FNBP4: variants seen among roughly 807,000 people sequenced by gnomAD.
The protein encoded by FNBP4 is formin binding protein 4.
A neutral mutation model predicts 119.3 loss-of-function variants in FNBP4; 34 were observed. The ratio of observed to expected loss-of-function variants is 0.28; its 90% CI spans 0.22 to 0.38. The LOEUF (loss-of-function observed/expected upper bound fraction) is 0.38. Ranked by LOEUF, FNBP4 falls within the 10% of genes least tolerant of loss-of-function variation. The pLI is 1.00. For synonymous variants in FNBP4, 462 were observed against 430.6 expected (o/e 1.07, Z -0.90); for missense variants, 1,112 against 1,228.9 (o/e 0.90, Z 1.42).
chr11:47,751,996 T>C (rs558908206), intron 4 of FNBP4, among the ~76,000 whole-genome samples: 3 of 152,154 alleles, frequency 2.0e-5, no homozygotes, highest in South Asian at 4.1e-4. Context: ...AAAATGTACC[T>C]AAAATACTTT....
At chr11:47,737,647 C>T (rs1271386774) in intron 8 of FNBP4, among the ~76,000 whole-genome samples, 2 of 149,380 alleles carry the variant, frequency 1.3e-5, no homozygotes, top group Admixed American at 1.3e-4. Flanking sequence ...ACCATGTTGC[C>T]CAGGCTGGTC....
chr11:47,764,704 C>T (rs1327571268), intron 2 of FNBP4, among the ~76,000 whole-genome samples: 1 of 152,034 alleles, frequency 6.6e-6, no homozygotes, highest in East Asian at 1.9e-4. Context: ...AATTAACATT[C>T]CTGGCACTTA....
intron 2 of FNBP4, among the ~76,000 whole-genome samples, chr11:47,762,874 C>A (rs557247876): frequency 7.1e-6 from 1 of 139,904 alleles, no homozygotes; most frequent in African/African-American, 2.6e-5. Flanking sequence ...CACGCCACTG[C>A]ACTCCAGCCT....
chr11:47,721,426 T>C (rs1045058136), intron 15 of FNBP4, among the ~76,000 whole-genome samples: 1 of 151,842 alleles, frequency 6.6e-6, no homozygotes, highest in East Asian at 1.9e-4. Context: ...AACCCACCTC[T>C]ACTAAAAATA....
intron 12 of FNBP4, chr11:47,730,118 G>A: frequency 2.0e-6 from 2 of 985,414 alleles, no homozygotes; most frequent in Non-Finnish European, 1.2e-6. Context: ...GAACATATAA[G>A]GGATGTTGAC....
At chr11:47,718,514 A>T (rs549895675) in intron 16 of FNBP4, among the ~76,000 whole-genome samples, 2 of 152,208 alleles carry the variant, frequency 1.3e-5, no homozygotes, top group East Asian at 3.9e-4. Flanking sequence ...GCCCGGCCGG[A>T]TCTAATGTTT....
chr11:47,759,329 G>A (rs527699357), intron 2 of FNBP4, among the ~76,000 whole-genome samples: 6 of 151,406 alleles, frequency 4.0e-5, no homozygotes, highest in African/African-American at 1.2e-4. Context: ...CTCCAGCCTC[G>A]GTCTCCCAAG....
chr11:47,717,323 C>T lies in FNBP4; in HGVS notation c.*99G>A. On this transcript the variant is annotated 3_prime_UTR_variant, in exon 17 of 17. Transcript: ENST00000263773. ...TGCCCAGGAAATTTATAAGATCTCCCCCATAACATTTATAGTTTATTTGAC... is the reference window on the plus strand; with the variant it reads ...TGCCCAGGAAATTTATAAGATCTCCTCCATAACATTTATAGTTTATTTGAC... 1.3e-6 allele frequency: 1 copy of T among 753,472 alleles called. No homozygotes were observed. The allele number at this position is 753,472 out of a possible 1,614,324, so 46.7% of individuals were successfully genotyped here.
chr11:47,757,622 T>C (rs1244358747), intron 2 of FNBP4, among the ~76,000 whole-genome samples: 1 of 151,956 alleles, frequency 6.6e-6, no homozygotes, highest in Admixed American at 6.6e-5. Flanking sequence ...GCCTCCCGAG[T>C]AGCTGGGATT....
chr11:47,744,252 T>A (rs1034883215), intron 7 of FNBP4, 89 bp from the exon 8 acceptor site: 9 of 1,236,684 alleles, frequency 7.3e-6, no homozygotes, highest in Non-Finnish European at 1.0e-5. Context: ...GTTGTTGAAA[T>A]TTAAATTCTT....
chr11:47,764,230 C>T (rs1054712981), intron 2 of FNBP4, among the ~76,000 whole-genome samples: 2 of 152,114 alleles, frequency 1.3e-5, no homozygotes, highest in African/African-American at 4.8e-5. Context: ...TATAGGTGTG[C>T]GCCACCATGC....
chr11:47,763,462 G>A (rs1439739399), intron 2 of FNBP4, among the ~76,000 whole-genome samples: 1 of 149,248 alleles, frequency 6.7e-6, no homozygotes, highest in African/African-American at 2.5e-5. Flanking sequence ...CTTAAAGCCT[G>A]AGAAAGCATG....
In FNBP4 at chr11:47,767,200, TCCCGGCCCGGCGTGCTGC is replaced by T. The variant is rs759320451; in HGVS notation, c.71_88del (p.Gly24_Arg29del). ...CTCAGTGTCGGGTTCCGGCTCCGGG[TCCCGGCCCGGCGTGCTGC>T]CCCGAGGACCCGGCGGAGAGAGTTG... On this transcript the variant is annotated inframe_deletion, in exon 1 of 17. Transcript: ENST00000263773. 6.7e-5 allele frequency: 105 copies of T among 1,562,290 alleles called. No individual in the cohort carries two copies. In the South Asian group the frequency reaches 1.1e-3, roughly 17 times the overall value.
chr11:47,767,163 G>A lies in FNBP4; in HGVS notation c.126C>T (p.Thr42=). The change falls in exon 1 of 17, where the codon ACC becomes ACT. Residue 42 remains threonine, a synonymous_variant. Coordinates refer to ENST00000263773, the MANE Select transcript of FNBP4 (RefSeq NM_015308.5). ...EPEPDTEPDS[T]AAVPSQPAPS... ...GGGCGGGCTGGCTGGGGACCGCCGC[G>A]GTTGAGTCCGGCTCAGTGTCGGGTT... 1 of 1,549,952 alleles carries A rather than the reference G, an allele frequency of 6.5e-7. No homozygotes were observed. The highest frequency in any genetic ancestry group is 8.7e-7 in the Non-Finnish European group (1 of 1,152,982).
At chr11:47,764,161 T>A (rs1463015204) in intron 2 of FNBP4, among the ~76,000 whole-genome samples, 1 of 152,200 alleles carries the variant, frequency 6.6e-6, no homozygotes. Flanking sequence ...TCGCCCAGGC[T>A]GGAGTGCAGT....
chr11:47,723,493 A>C (rs554686226), intron 14 of FNBP4, among the ~76,000 whole-genome samples, 177 bp from the exon 15 acceptor site: 1 of 152,240 alleles, frequency 6.6e-6, no homozygotes, highest in South Asian at 2.1e-4. Flanking sequence ...CCTTGGCATT[A>C]AACTACCTAA....
intron 4 of FNBP4, among the ~76,000 whole-genome samples, chr11:47,752,095 G>A (rs1487959450): frequency 3.3e-5 from 5 of 152,000 alleles, no homozygotes; most frequent in South Asian, 2.1e-4. Context: ...TTTCTGAGCC[G>A]ACTATCCTAC....
rs765501626 is a variant in FNBP4, at chr11:47,736,792, CTAT to C, written c.1457-55_1457-53del. 21 of 1,468,710 alleles carry C rather than the reference CTAT, an allele frequency of 1.4e-5. No individual in the cohort carries two copies. The African/African-American group carries it at 3.0e-4, about 21-fold the overall frequency. 91.0% of individuals were successfully genotyped at this position (1,468,710 alleles called of 1,614,324 possible). A position where few individuals can be genotyped will look rare whatever the true frequency, so the allele number is the denominator to read the frequency against. On this transcript the variant is annotated intron_variant, in intron 8 of 16. Coordinates refer to ENST00000263773, the MANE Select transcript of FNBP4 (RefSeq NM_015308.5). ...CCAAAGTACCAATACTTATAGAACA[CTAT>C]ATACCTTTTCCCCCATAGCAGATAT... is the stretch of plus-strand genomic sequence containing the variant.
chr11:47,742,961 TTG>T (rs998912635), intron 8 of FNBP4, among the ~76,000 whole-genome samples: 5 of 151,976 alleles, frequency 3.3e-5, no homozygotes, highest in Non-Finnish European at 7.4e-5. Flanking sequence ...ACCTGTATTG[TTG>T]TTTTTTTTTT....
Sources: gnomAD v4.1 joint callset for allele counts (sites outside exome capture counted in the v4.1 genomes callset) on GRCh38, gnomAD v4.1.1 for gene constraint, MANE v1.5 for transcripts, NCBI Gene and HGNC (gene_info 2026-07-23, HGNC 2026-07-21) for gene names.